The following NRP1 variants were observed in gnomAD, a reference collection of about 807,000 sequenced individuals.
NRP1 encodes neuropilin-1.
NRP1 carries 35 observed loss-of-function variants against 106.7 expected under a neutral mutation model. The observed-to-expected ratio is 0.33, with a 90% confidence interval of 0.25 to 0.43. The LOEUF (loss-of-function observed/expected upper bound fraction) is 0.43, where lower values mean the gene tolerates loss of function less well. Ranked by LOEUF, NRP1 falls within the 20% of genes least tolerant of loss-of-function variation. The pLI is 1.00. For missense variants in NRP1, 1,024 were observed against 1,170.4 expected (o/e 0.87, Z 1.83); for synonymous variants, 437 against 417.9 (o/e 1.05, Z -0.56).
At chr10:33,187,448 C>G (rs1016483310) in intron 13 of NRP1, among the ~76,000 whole-genome samples, 1 of 152,120 alleles carries the variant, frequency 6.6e-6, no homozygotes, top group Non-Finnish European at 1.5e-5. Context: ...CACCTGAGAG[C>G]TTGAATCTCT....
At chr10:33,193,055 AT>A (rs1426258621) in intron 12 of NRP1, among the ~76,000 whole-genome samples, 1 of 152,106 alleles carries the variant, frequency 6.6e-6, no homozygotes, top group East Asian at 1.9e-4. Context: ...TTACATATAA[AT>A]TGTTCACCCG....
chr10:33,312,022 A>C (rs530685320), intron 2 of NRP1, among the ~76,000 whole-genome samples: 2 of 152,216 alleles, frequency 1.3e-5, no homozygotes, highest in East Asian at 3.9e-4. Flanking sequence ...TAACTTTAGA[A>C]GTTAGTCCTC....
chr10:33,251,393 C>A (rs1254907655), intron 6 of NRP1, among the ~76,000 whole-genome samples: 2 of 150,866 alleles, frequency 1.3e-5, no homozygotes, highest in Admixed American at 1.3e-4. Context: ...GGTGTGAGAA[C>A]AGACTAATAC....
intron 8 of NRP1, among the ~76,000 whole-genome samples, chr10:33,214,544 C>T (rs757516706): frequency 1.6e-4 from 24 of 152,160 alleles, no homozygotes; most frequent in Non-Finnish European, 2.4e-4. Flanking sequence ...CTGATCCGAG[C>T]GCTCTGGCCA....
intron 16 of NRP1, among the ~76,000 whole-genome samples, chr10:33,180,880 C>T (rs957850409): frequency 2.6e-5 from 4 of 152,098 alleles, no homozygotes; most frequent in African/African-American, 4.8e-5. Context: ...TCAAGTGAAA[C>T]GAATTTTGCC....
At chr10:33,213,824 A>T in intron 8 of NRP1, 107 bp from the exon 9 acceptor site, 1 of 873,794 alleles carries the variant, frequency 1.1e-6, no homozygotes, top group Non-Finnish European at 1.7e-6. Flanking sequence ...GTACCCAATC[A>T]TATACAATTT....
At chr10:33,277,212 T>G (rs1457315777) in intron 2 of NRP1, among the ~76,000 whole-genome samples, 1 of 152,060 alleles carries the variant, frequency 6.6e-6, no homozygotes, top group Non-Finnish European at 1.5e-5. Flanking sequence ...ATATAATCAG[T>G]GCATGTGTGA....
chr10:33,220,077 A>G (rs1451335242), intron 8 of NRP1, among the ~76,000 whole-genome samples: 2 of 152,178 alleles, frequency 1.3e-5, no homozygotes, highest in African/African-American at 4.8e-5. Context: ...TCTAAATCTT[A>G]GGTCCTAAAA....
intron 2 of NRP1, among the ~76,000 whole-genome samples, chr10:33,328,673 T>C (rs1848063011): frequency 6.6e-6 from 1 of 152,194 alleles, no homozygotes; most frequent in South Asian, 2.1e-4. Context: ...TGCACATTTC[T>C]TTGCTAGTCT....
chr10:33,299,892 G>T (rs1845682116), intron 2 of NRP1, among the ~76,000 whole-genome samples: 1 of 152,186 alleles, frequency 6.6e-6, no homozygotes, highest in South Asian at 2.1e-4. Flanking sequence ...GGACTTTAGG[G>T]GGACCCTGAA....
intron 9 of NRP1, among the ~76,000 whole-genome samples, chr10:33,208,149 C>T (rs756449962): frequency 6.6e-6 from 1 of 152,140 alleles, no homozygotes; most frequent in African/African-American, 2.4e-5. Context: ...TTGTCTCGAA[C>T]TTAGGGTCTC....
In NRP1 at chr10:33,263,706, G is replaced by T. The variant is rs1258450460; in HGVS notation, c.598C>A (p.Pro200Thr). 1.2e-6 allele frequency: 2 copies of T among 1,614,100 alleles called. No individual in the cohort carries two copies. Among genetic ancestry groups the T allele is most frequent in the East Asian group, 4.5e-5 (2 of 44,874 alleles). Residue 200 changes from proline to threonine, a missense_variant, in exon 4 of 17, where the codon CCT becomes ACT. Pro to Thr is a conservative substitution (Grantham distance 38). Around this residue, in one of 5 missense-constraint regions of NRP1, gnomAD observed 279 missense variants for 327.4 expected, o/e 0.85. Transcript: ENST00000374867. The part of the protein sequence containing the change: ...ESFDLEPDSN[P>T]PGGMFCRYDR... ...TAGCGACAGAACATCCCCCCTGGAGGATTTGAGTCAGGCTCCAGGTCAAAG... is the reference window on the plus strand; with the variant it reads ...TAGCGACAGAACATCCCCCCTGGAGTATTTGAGTCAGGCTCCAGGTCAAAG...
chr10:33,330,494 C>T (rs1047992672), intron 2 of NRP1, among the ~76,000 whole-genome samples: 10 of 152,060 alleles, frequency 6.6e-5, no homozygotes, highest in African/African-American at 2.4e-4. Context: ...AGTATAAGAG[C>T]TTACACATTT....
intron 2 of NRP1, among the ~76,000 whole-genome samples, chr10:33,306,552 C>T (rs1846183942): frequency 6.6e-6 from 1 of 152,182 alleles, no homozygotes. Flanking sequence ...TCCCTGTGGT[C>T]AGTTTACAAT....
At chr10:33,249,334 G>A in intron 6 of NRP1, 1 of 403,498 alleles carries the variant, frequency 2.5e-6, no homozygotes, top group Admixed American at 3.1e-5. Flanking sequence ...TGTGTACTTA[G>A]TTTGCGGAAA....
intron 3 of NRP1, among the ~76,000 whole-genome samples, chr10:33,266,578 C>G (rs1842931320): frequency 6.6e-6 from 1 of 152,198 alleles, no homozygotes; most frequent in South Asian, 2.1e-4. Context: ...TGAAGAAGCA[C>G]TTTCTCGCAA....
intron 6 of NRP1, among the ~76,000 whole-genome samples, chr10:33,235,596 C>T (rs957679973): frequency 6.6e-6 from 1 of 152,218 alleles, no homozygotes; most frequent in Non-Finnish European, 1.5e-5. Context: ...TCCATATTAT[C>T]TAGAGCAGAT....
intron 2 of NRP1, among the ~76,000 whole-genome samples, chr10:33,318,942 A>C (rs1482088241): frequency 6.6e-6 from 1 of 150,416 alleles, no homozygotes; most frequent in East Asian, 2.0e-4. Context: ...AGAGGGTGAG[A>C]GGTGAAGCCA....
intron 6 of NRP1, among the ~76,000 whole-genome samples, chr10:33,229,343 C>A (rs759450144): frequency 6.6e-6 from 1 of 152,158 alleles, no homozygotes; most frequent in Non-Finnish European, 1.5e-5. Context: ...TTGCTCTGAA[C>A]AATGTTAACT....
Sources: allele counts gnomAD v4.1 joint callset (sites outside exome capture counted in the v4.1 genomes callset), GRCh38; gene constraint gnomAD v4.1.1; regional missense constraint gnomAD v4.1.1; transcripts MANE v1.5; gene names NCBI Gene and HGNC (gene_info 2026-07-23, HGNC 2026-07-21).